Variants in OSCP1 observed in about 807,000 individuals in gnomAD.
The protein encoded by OSCP1 is organic solute carrier partner 1, also known as protein OSCP1.
A neutral mutation model predicts 45.1 loss-of-function variants in OSCP1; 35 were observed. The observed-to-expected ratio is 0.78, with a 90% CI of 0.59 to 1.03. The LOEUF (loss-of-function observed/expected upper bound fraction) is 1.03, where lower values mean the gene tolerates loss of function less well. OSCP1 is among the 50% of genes least tolerant of loss of function. The pLI is 0.00. For missense variants in OSCP1, 400 were observed against 470.7 expected, an observed-to-expected ratio of 0.85 and a Z score of 1.39; for synonymous variants, 179 against 180.1, an observed-to-expected ratio of 0.99 and a Z score of 0.05.
intron 1 of OSCP1, among the ~76,000 whole-genome samples, chr1:36,446,872 G>C (rs948447342): frequency 6.6e-6 from 1 of 152,190 alleles, no homozygotes; most frequent in Non-Finnish European, 1.5e-5. Flanking sequence ...GGCAAAGGTA[G>C]CTTTTATTAT....
At position 36,442,843 on chromosome 1, in the gene OSCP1, C is replaced by T. The variant is rs1451833315; in HGVS notation, c.113-3933G>A. ...ACCACTTATCGTTTTATATTATCCT[C>T]ATTCTATTAAGGAGGAAAACTGAAT... On this transcript the variant is annotated intron_variant, in intron 1 of 9. Transcript: ENST00000235532. 2.0e-5 allele frequency among the ~76,000 whole-genome samples: 3 copies of T among 152,112 alleles called. No homozygotes were observed. In the East Asian group the frequency reaches 5.8e-4, roughly 29 times the overall value.
chr1:36,418,950 A>C, intron 9 of OSCP1, 41 bp downstream of exon 9: 5 of 1,444,696 alleles, frequency 3.5e-6, no homozygotes, highest in African/African-American at 1.4e-5. Context: ...AAAGATGAGG[A>C]AGCGAATACG....
At chr1:36,449,835 CAAAAA>C (rs67376533) in intron 1 of OSCP1, among the ~76,000 whole-genome samples, 121 of 20,306 alleles carry the variant, frequency 6.0e-3, no homozygotes, top group Middle Eastern at 0.045. Context: ...GACCCTGTCT[CAAAAA>C]AAAAAAAAAA....
Position 36,432,168 on chromosome 1 carries a change from C to T in OSCP1, c.435+254G>A, listed in dbSNP as rs372888733. 1.1e-4 allele frequency among the ~76,000 whole-genome samples: 17 copies of T among 152,208 alleles called. No homozygotes were observed. The East Asian group carries it at 2.7e-3, about 24-fold the overall frequency. ...GAACATCCACCACCAAGTCCCTTTC[C>T]GAAAAGTGAGGAGAAAATGGCTATG... is the stretch of plus-strand genomic sequence containing the variant. On this transcript the variant is annotated intron_variant, in intron 3 of 9. Transcript: ENST00000235532.
chr1:36,443,909 A>G, intron 1 of OSCP1: 1 of 1,381,192 alleles, frequency 7.2e-7, no homozygotes, highest in Non-Finnish European at 1.0e-6. Flanking sequence ...TTGACTTTGA[A>G]ATGTTTCAAG....
intron 1 of OSCP1, among the ~76,000 whole-genome samples, chr1:36,443,108 T>C (rs143164897): frequency 0.1 from 15,637 of 152,100 alleles, 960 homozygotes; most frequent in East Asian, 0.29. Context: ...GGATTATAAG[T>C]GCCCACCACC....
chr1:36,438,869 T>C lies in OSCP1; in HGVS notation c.154A>G (p.Met52Val), dbSNP rs771318760. ...IISTMFNRKF[M>V]EELFKPQELY... The stretch of plus-strand genomic sequence containing the variant: ...TCTTGAGGCTTGAATAATTCCTCCA[T>C]AAACTTTCTATTGAACATGGTGGAG... The change falls in exon 2 of 10, where the codon ATG (methionine) becomes GTG (valine). Residue 52 changes from methionine (M) to valine (V), a missense_variant. Coordinates refer to ENST00000235532, the MANE Select transcript of OSCP1 (RefSeq NM_145047.5). 42 of 1,614,074 alleles carry C rather than the reference T, an allele frequency of 2.6e-5. No homozygotes were observed. The highest frequency in any genetic ancestry group is 3.6e-5 in the Non-Finnish European group (42 of 1,180,036).
rs567817099 is a variant in OSCP1, at chr1:36,450,138, G to A, written c.112+120C>T. On this transcript the variant is annotated intron_variant, in intron 1 of 9. Coordinates refer to ENST00000235532, the MANE Select transcript of OSCP1 (RefSeq NM_145047.5). ...CAAATGGATGTGGCTTGTAAGAAAGGTCCCTGGTTATAAGAGTGAAGTGTG... is the reference window on the plus strand; with the variant it reads ...CAAATGGATGTGGCTTGTAAGAAAGATCCCTGGTTATAAGAGTGAAGTGTG... 4 of 783,590 alleles carry A rather than the reference G, an allele frequency of 5.1e-6. No individual in the cohort carries two copies. The African/African-American group carries it at 5.2e-5, about 10-fold the overall frequency. 48.5% of individuals were successfully genotyped at this position (783,590 alleles called of 1,614,324 possible).
chr1:36,443,663 T>G (rs547460799), intron 1 of OSCP1, among the ~76,000 whole-genome samples: 1 of 152,288 alleles, frequency 6.6e-6, no homozygotes, highest in East Asian at 1.9e-4. Context: ...AAAACAAAGT[T>G]GTTTTAAGGA....
intron 2 of OSCP1, 80 bp downstream of exon 2, chr1:36,438,676 C>T (rs557316717): frequency 6.5e-5 from 97 of 1,486,934 alleles, no homozygotes; most frequent in Non-Finnish European, 8.4e-5. Context: ...CATACATCAT[C>T]TCATGTGACC....
intron 6 of OSCP1, 102 bp downstream of exon 6, chr1:36,422,666 G>T: frequency 8.3e-7 from 1 of 1,210,694 alleles, no homozygotes. Context: ...CCTATTGTCG[G>T]CAGGGATTTT....
chr1:36,427,774 T>A (rs1452385517), intron 4 of OSCP1, among the ~76,000 whole-genome samples: 1 of 152,242 alleles, frequency 6.6e-6, no homozygotes, highest in African/African-American at 2.4e-5. Flanking sequence ...TATTTTAAAT[T>A]TAATGAAAAA....
chr1:36,443,002 C>T (rs543199673), intron 1 of OSCP1, among the ~76,000 whole-genome samples: 4 of 152,168 alleles, frequency 2.6e-5, no homozygotes, highest in South Asian at 2.1e-4. Context: ...CTCGCTCTGT[C>T]GCCCAGGCTG....
At position 36,450,251 on chromosome 1, in the gene OSCP1, C is replaced by A. The variant is rs370263831; in HGVS notation, c.112+7G>T. ...GGGTCTGGCTGAGCGGGCCGGGGGC[C>A]TCTCACCTTTGCGGGCCTTGTCTCC... On this transcript the variant is annotated splice_region_variant and intron_variant, in intron 1 of 9. Coordinates refer to ENST00000235532, the MANE Select transcript of OSCP1 (RefSeq NM_145047.5). 23 of 1,611,940 alleles carry A rather than the reference C, an allele frequency of 1.4e-5. No homozygotes were observed. In the African/African-American group the frequency reaches 2.9e-4, roughly 21 times the overall value.
At chr1:36,420,272 G>A (rs1163596221) in intron 8 of OSCP1, 7 of 618,372 alleles carry the variant, frequency 1.1e-5, no homozygotes, top group South Asian at 2.5e-5. Context: ...CACTGCACCC[G>A]GCCCCATCTC....
chr1:36,445,376 T>G (rs570443836), intron 1 of OSCP1, among the ~76,000 whole-genome samples: 36 of 152,252 alleles, frequency 2.4e-4, no homozygotes, highest in Admixed American at 1.7e-3. Flanking sequence ...CCAAAACCAT[T>G]TTGTAATTAA....
intron 2 of OSCP1, among the ~76,000 whole-genome samples, chr1:36,432,850 G>A (rs527888482): frequency 7.2e-5 from 11 of 152,192 alleles, no homozygotes; most frequent in Admixed American, 4.6e-4. Flanking sequence ...GATGTGTATT[G>A]TTAATGGGAT....
chr1:36,433,659 T>A (rs769598301), intron 2 of OSCP1, among the ~76,000 whole-genome samples: 2 of 152,144 alleles, frequency 1.3e-5, no homozygotes, highest in Non-Finnish European at 2.9e-5. Context: ...AAAAGCTGAA[T>A]TATTAAAAAT....
In OSCP1 at chr1:36,418,184, G is replaced by A; in HGVS notation, c.1095C>T (p.Ser365=). The A allele has an allele frequency of 6.2e-7, 1 of 1,614,138 alleles. No individual in the cohort carries two copies. Among genetic ancestry groups the A allele is most frequent in the Non-Finnish European group, 8.5e-7 (1 of 1,180,024 alleles). ...EFEITEQPRL[S]TSKGDDLLAM... is the part of the protein sequence containing the mutation. The stretch of plus-strand genomic sequence containing the variant: ...CGAGCAAATCGTCCCCTTTGCTGGT[G>A]CTCAGCCTTGGCTGCTCCGTGATCT... Residue 365 remains serine (S), a synonymous_variant, in exon 10 of 10, where the codon AGC becomes AGT. Coordinates refer to ENST00000235532, the MANE Select transcript of OSCP1 (RefSeq NM_145047.5).
Sources: allele counts gnomAD v4.1 joint callset (sites outside exome capture counted in the v4.1 genomes callset), GRCh38; gene constraint gnomAD v4.1.1; transcripts MANE v1.5; gene names NCBI Gene and HGNC (gene_info 2026-07-23, HGNC 2026-07-21).